Variants in SATB2 observed in about 807,000 individuals in gnomAD.
The protein encoded by SATB2 is SATB homeobox 2, also known as DNA-binding protein SATB2.
Under a neutral mutation model 73.4 loss-of-function variants are expected in SATB2, and 1 was observed. That is an observed-to-expected ratio of 0.01 (90% CI 0.00 to 0.06). SATB2 has a LOEUF of 0.06. SATB2 is among the 10% of genes least tolerant of loss of function. The probability of loss-of-function intolerance (pLI) is 1.00; values close to 1 mark genes in which losing one functional copy is unlikely to be tolerated. For missense variants in SATB2, 459 were observed against 945.8 expected (o/e 0.49, Z 6.75); for synonymous variants, 397 against 367.0 (o/e 1.08, Z -0.93).
chr2:199,321,245 A>T (rs980460648), intron 9 of SATB2, among the ~76,000 whole-genome samples: 9 of 151,986 alleles, frequency 5.9e-5, no homozygotes, highest in African/African-American at 1.9e-4. Flanking sequence ...GTGTATATAT[A>T]TGACTAAGAT....
At chr2:199,430,615 C>A (rs979430073) in intron 3 of SATB2, among the ~76,000 whole-genome samples, 1 of 152,156 alleles carries the variant, frequency 6.6e-6, no homozygotes, top group Non-Finnish European at 1.5e-5. Flanking sequence ...GTTATTTTAA[C>A]ACAGGGAAAG....
chr2:199,329,834 G>T (rs1688137556), intron 7 of SATB2, among the ~76,000 whole-genome samples: 1 of 152,164 alleles, frequency 6.6e-6, no homozygotes. Flanking sequence ...TCTAAGGTGG[G>T]ACATTGTCGT....
intron 2 of SATB2, among the ~76,000 whole-genome samples, chr2:199,449,256 C>G (rs974189574): frequency 1.3e-5 from 2 of 152,028 alleles, no homozygotes; most frequent in Non-Finnish European, 2.9e-5. Flanking sequence ...TTTTAAAAAT[C>G]TGAAATAAGT....
Position 199,455,792 on chromosome 2 carries a change from T to C in SATB2, c.169+77A>G. On this transcript the variant is annotated intron_variant, in intron 2 of 10. Coordinates refer to ENST00000417098, the MANE Select transcript of SATB2 (RefSeq NM_001172509.2). This position sits in a 1 kb window ranked among gnomAD's most constrained non-coding sequence, Gnocchi z 4.1. ...TGTAATCCTACACCGCGACAGCGCC[T>C]AATCAACCTGAACCCTGACACCCGG... 1 of 1,478,970 alleles carries C rather than the reference T, an allele frequency of 6.8e-7. No homozygotes were observed. Among genetic ancestry groups the C allele is most frequent in the Non-Finnish European group, 9.1e-7 (1 of 1,096,872 alleles). The allele number at this position is 1,478,970 out of a possible 1,614,324, so 91.6% of individuals were successfully genotyped here. A position where few individuals can be genotyped will look rare whatever the true frequency, so the allele number is the denominator to read the frequency against.
chr2:199,387,678 CA>C (rs1690003616), intron 3 of SATB2, among the ~76,000 whole-genome samples: 3 of 152,134 alleles, frequency 2.0e-5, no homozygotes. Context: ...GAATTGAGCA[CA>C]GTATGAATAA....
chr2:199,346,626 G>A (rs773772157), intron 7 of SATB2, among the ~76,000 whole-genome samples: 18 of 152,208 alleles, frequency 1.2e-4, no homozygotes, highest in Non-Finnish European at 2.2e-4. Context: ...TTTAACTCAC[G>A]CAGTATTGCT....
rs1440745075 is a variant in SATB2, at chr2:199,272,930, A to T, written c.1741-258T>A. On this transcript the variant is annotated intron_variant, in intron 10 of 10. Transcript: ENST00000417098. This position sits in a 1 kb window ranked among gnomAD's most constrained non-coding sequence, Gnocchi z 6.7. The stretch of plus-strand genomic sequence containing the variant: ...GTCAAGTCATTTATTGCCTAAGGTC[A>T]TCTCACTTTAGGCAACCTGGCTTCA... 6.6e-6 allele frequency among the ~76,000 whole-genome samples: 1 copy of T among 152,186 alleles called. No homozygotes were observed. Among genetic ancestry groups the T allele is most frequent in the Non-Finnish European group, 1.5e-5 (1 of 68,026 alleles).
rs996655654 is a variant in SATB2 at position 199,381,552 on chromosome 2, CCTT to C, written c.473+139_473+141del. The stretch of plus-strand genomic sequence containing the variant: ...GGAAGGGCCACCCTTCTCCTTCTCT[CCTT>C]CTTTCCCTCTCTCTCCTTCTTTTCA... On this transcript the variant is annotated intron_variant, in intron 4 of 10. Coordinates refer to ENST00000417098, the MANE Select transcript of SATB2 (RefSeq NM_001172509.2). The C allele has an allele frequency of 3.3e-6, 4 of 1,194,214 alleles. No individual in the cohort carries two copies. In the African/African-American group the frequency reaches 4.5e-5, roughly 14 times the overall value. The allele number at this position is 1,194,214 out of a possible 1,614,324, so 74.0% of individuals were successfully genotyped here.
At chr2:199,362,749 A>G (rs1689175304) in intron 6 of SATB2, among the ~76,000 whole-genome samples, 1 of 152,226 alleles carries the variant, frequency 6.6e-6, no homozygotes, top group African/African-American at 2.4e-5. Flanking sequence ...GATATGTGTT[A>G]TATTATAAAG....
chr2:199,396,847 C>G (rs1690316457), intron 3 of SATB2: 1 of 152,160 alleles, frequency 6.6e-6, no homozygotes, highest in Non-Finnish European at 1.5e-5. Flanking sequence ...TAAAATGAAG[C>G]AGATTGCAAC....
intron 10 of SATB2, among the ~76,000 whole-genome samples, chr2:199,298,337 C>G (rs911201449): frequency 2.6e-5 from 4 of 152,182 alleles, no homozygotes; most frequent in African/African-American, 9.7e-5. Flanking sequence ...TTCTGAAGGT[C>G]CAGTGGCCTT....
At chr2:199,431,447 T>C (rs2105926479) in intron 3 of SATB2, among the ~76,000 whole-genome samples, 1 of 152,342 alleles carries the variant, frequency 6.6e-6, no homozygotes, top group African/African-American at 2.4e-5. Flanking sequence ...AAATCTTTGC[T>C]TACCTATAAA....
At chr2:199,292,898 T>C (rs1313024970) in intron 10 of SATB2, among the ~76,000 whole-genome samples, 1 of 152,200 alleles carries the variant, frequency 6.6e-6, no homozygotes, top group Admixed American at 6.5e-5. Flanking sequence ...AATGGGGCTT[T>C]TGAAGCCTGC....
rs967426810 is a variant in SATB2 at position 199,271,631 on chromosome 2, C to G, written c.*580G>C. The G allele has an allele frequency of 5.9e-5, 9 of 152,316 alleles. No homozygotes were observed. Among genetic ancestry groups the G allele is most frequent in the Non-Finnish European group, 8.8e-5 (6 of 68,008 alleles). The allele number at this position is 152,316 out of a possible 1,614,324, so 9.4% of individuals were successfully genotyped here. On this transcript the variant is annotated 3_prime_UTR_variant, in exon 11 of 11. Transcript: ENST00000417098. ...AAAAATAGTCACCCCACCCTGAGAG[C>G]AGGCCGCAGTTTATCAAAAAGCCAA...
At chr2:199,315,100 T>C (rs1257098831) in intron 9 of SATB2, among the ~76,000 whole-genome samples, 1 of 152,018 alleles carries the variant, frequency 6.6e-6, no homozygotes, top group Non-Finnish European at 1.5e-5. Flanking sequence ...ACATGACATA[T>C]ATCATAAAGA....
chr2:199,357,204 T>C (rs182243459), intron 6 of SATB2, among the ~76,000 whole-genome samples: 66 of 152,316 alleles, frequency 4.3e-4, no homozygotes, highest in East Asian at 7.7e-4. Flanking sequence ...TGTATTTGCA[T>C]GTTTGTGTGC....
intron 10 of SATB2, among the ~76,000 whole-genome samples, chr2:199,293,468 G>A (rs1692932894): frequency 6.6e-6 from 1 of 151,990 alleles, no homozygotes; most frequent in African/African-American, 2.4e-5. Context: ...GTCTTTCTTA[G>A]TATTTTCTAT....
chr2:199,294,838 A>G (rs1036644155), intron 10 of SATB2, among the ~76,000 whole-genome samples: 3 of 152,198 alleles, frequency 2.0e-5, no homozygotes, highest in African/African-American at 7.2e-5. Flanking sequence ...CCATATTCAC[A>G]TATATTCATC....
At chr2:199,286,374 C>A (rs1692689108) in intron 10 of SATB2, among the ~76,000 whole-genome samples, 1 of 152,170 alleles carries the variant, frequency 6.6e-6, no homozygotes, top group Non-Finnish European at 1.5e-5. Context: ...TCAGCACCAT[C>A]TGAGAAACAG....
Sources: allele counts gnomAD v4.1 joint callset (sites outside exome capture counted in the v4.1 genomes callset), GRCh38; gene constraint gnomAD v4.1.1; non-coding constraint Gnocchi (gnomAD v3.1); transcripts MANE v1.5; gene names NCBI Gene and HGNC (gene_info 2026-07-23, HGNC 2026-07-21).